The following OSTN variants were observed in gnomAD, a reference collection of about 807,000 sequenced individuals.
The protein encoded by OSTN is osteocrin.
In OSTN, 9 loss-of-function variants were observed where a neutral mutation model predicts 12.0. The ratio of observed to expected loss-of-function variants is 0.75; its 90% CI spans 0.45 to 1.30. The LOEUF (loss-of-function observed/expected upper bound fraction) is 1.30, where lower values mean the gene tolerates loss of function less well. Ranked by LOEUF, OSTN falls within the 50% of genes most tolerant of loss-of-function variation. OSTN has a pLI of 0.00. For synonymous variants in OSTN, 59 were observed against 56.9 expected (o/e 1.04, Z -0.16); for missense variants, 148 against 152.3 (o/e 0.97, Z 0.15).
intron 2 of OSTN, among the ~76,000 whole-genome samples, chr3:191,218,247 T>C (rs1307291891): frequency 6.6e-6 from 1 of 152,224 alleles, no homozygotes; most frequent in African/African-American, 2.4e-5. Flanking sequence ...TTTCTTGTTT[T>C]ATTTTTTCCC....
intron 1 of OSTN, among the ~76,000 whole-genome samples, chr3:191,208,663 C>A (rs1485075769): frequency 1.3e-5 from 2 of 151,930 alleles, no homozygotes; most frequent in Admixed American, 1.3e-4. Flanking sequence ...TCATCCTGTA[C>A]CATTTATAAG....
intron 3 of OSTN, among the ~76,000 whole-genome samples, chr3:191,247,341 A>G (rs1194855635): frequency 6.6e-6 from 1 of 152,242 alleles, no homozygotes; most frequent in Non-Finnish European, 1.5e-5. Context: ...CAAGAAATGT[A>G]GAAGTGCAAA....
intron 3 of OSTN, among the ~76,000 whole-genome samples, chr3:191,241,691 C>G (rs1715326062): frequency 6.6e-6 from 1 of 152,098 alleles, no homozygotes; most frequent in African/African-American, 2.4e-5. Context: ...CCCGAAACAC[C>G]TATTAAGAAC....
Position 191,213,960 on chromosome 3 carries a change from C to T in OSTN, c.102+1326C>T, listed in dbSNP as rs569353721. On this transcript the variant is annotated intron_variant, in intron 2 of 4. Coordinates refer to ENST00000682035, the MANE Select transcript of OSTN (RefSeq NM_198184.2). ...CATCTCCAGTTTCTATGTTATCAGG[C>T]TTATATAAGGAAGTGACAGAAGCTA... Among the ~76,000 whole-genome samples, 3 of 152,024 alleles carry T rather than the reference C, an allele frequency of 2.0e-5. No individual in the cohort carries two copies. The East Asian group carries it at 5.8e-4, about 29-fold the overall frequency.
chr3:191,246,436 T>C (rs955767009), intron 3 of OSTN, among the ~76,000 whole-genome samples: 3 of 151,696 alleles, frequency 2.0e-5, no homozygotes, highest in African/African-American at 7.3e-5. Context: ...TGAAACCCTG[T>C]CTCTGCTAAA....
chr3:191,246,522 C>T lies in OSTN; in HGVS notation c.318-3515C>T, dbSNP rs145917854. ...TCAAGAGGCTGAGGCAGGAGAATTG[C>T]TTGAGCCCAGGAGGCGAAGGTTGCA... On this transcript the variant is annotated intron_variant, in intron 3 of 4. Transcript: ENST00000682035. Among the ~76,000 whole-genome samples the T allele has an allele frequency of 1.4e-3, 215 of 151,420 alleles. 1 individual carries two copies. The highest frequency in any genetic ancestry group is 5.0e-3 in the African/African-American group (205 of 41,254).
intron 3 of OSTN, among the ~76,000 whole-genome samples, chr3:191,239,613 A>G (rs1478805644): frequency 6.6e-6 from 1 of 152,252 alleles, no homozygotes; most frequent in East Asian, 1.9e-4. Context: ...ATTGAGCAGA[A>G]TCTGTTGAAA....
chr3:191,232,259 G>C (rs1288052767), intron 3 of OSTN, among the ~76,000 whole-genome samples: 2 of 149,272 alleles, frequency 1.3e-5, no homozygotes, highest in East Asian at 2.0e-4. Context: ...TGAACACGTG[G>C]GAGGCGGAGG....
intron 1 of OSTN, among the ~76,000 whole-genome samples, chr3:191,203,006 A>G (rs374001367): frequency 6.6e-6 from 1 of 152,256 alleles, no homozygotes; most frequent in East Asian, 1.9e-4. Flanking sequence ...ATTTGAGGTT[A>G]GTGATGCATG....
At chr3:191,220,350 A>G (rs1269876221) in intron 3 of OSTN, among the ~76,000 whole-genome samples, 1 of 152,188 alleles carries the variant, frequency 6.6e-6, no homozygotes, top group African/African-American at 2.4e-5. Flanking sequence ...CTTTAACTAG[A>G]GAAATAGAAA....
At chr3:191,240,300 T>C (rs1295630667) in intron 3 of OSTN, among the ~76,000 whole-genome samples, 1 of 152,232 alleles carries the variant, frequency 6.6e-6, no homozygotes, top group Non-Finnish European at 1.5e-5. Context: ...TTGTATATAG[T>C]GATATCTATC....
At chr3:191,252,441 A>G (rs1486036986) in intron 4 of OSTN, among the ~76,000 whole-genome samples, 2 of 152,134 alleles carry the variant, frequency 1.3e-5, no homozygotes, top group Admixed American at 1.3e-4. Context: ...AATTAATACA[A>G]TGCTTCCTGA....
At chr3:191,252,083 C>T (rs892503433) in intron 4 of OSTN, among the ~76,000 whole-genome samples, 2 of 151,944 alleles carry the variant, frequency 1.3e-5, no homozygotes, top group East Asian at 1.9e-4. Context: ...TTTTTTGAGA[C>T]GGAGTCTCAC....
chr3:191,221,020 T>C (rs563177968), intron 3 of OSTN, among the ~76,000 whole-genome samples: 58 of 152,288 alleles, frequency 3.8e-4, no homozygotes, highest in African/African-American at 1.3e-3. Flanking sequence ...TGATCATGGG[T>C]GTGGTTACCC....
intron 2 of OSTN, among the ~76,000 whole-genome samples, chr3:191,215,052 A>C (rs1412956210): frequency 6.6e-6 from 1 of 152,214 alleles, no homozygotes; most frequent in Non-Finnish European, 1.5e-5. Flanking sequence ...TAGGTAATTT[A>C]TAAAGGAAAG....
chr3:191,246,408 C>G (rs968038233), intron 3 of OSTN, among the ~76,000 whole-genome samples: 13 of 151,904 alleles, frequency 8.6e-5, no homozygotes, highest in African/African-American at 3.1e-4. Flanking sequence ...GAGTTTGAGA[C>G]CAGCCTGGCC....
chr3:191,237,121 G>A (rs966493181), intron 3 of OSTN, among the ~76,000 whole-genome samples: 2 of 152,086 alleles, frequency 1.3e-5, no homozygotes, highest in Admixed American at 1.3e-4. Context: ...TTCTTGTGAG[G>A]CTCTGATTAG....
At chr3:191,253,118 G>A (rs1232605633) in intron 4 of OSTN, among the ~76,000 whole-genome samples, 1 of 152,102 alleles carries the variant, frequency 6.6e-6, no homozygotes, top group Non-Finnish European at 1.5e-5. Context: ...TTTCATTGTT[G>A]GATGCTAAAT....
In OSTN at chr3:191,237,974, C is replaced by A. The variant is rs1027034586; in HGVS notation, c.318-12063C>A. Among the ~76,000 whole-genome samples, 3 of 152,330 alleles carry A rather than the reference C, an allele frequency of 2.0e-5. No homozygotes were observed. In the South Asian group the frequency reaches 6.2e-4, roughly 32 times the overall value. On this transcript the variant is annotated intron_variant, in intron 3 of 4. Transcript: ENST00000682035. ...CAATTTGTCAGATATGATTGCCCTT[C>A]TTGACAAAAATCCCAAAGATTAAGG...
Sources: gnomAD v4.1 joint callset for allele counts (sites outside exome capture counted in the v4.1 genomes callset) on GRCh38, gnomAD v4.1.1 for gene constraint, MANE v1.5 for transcripts, NCBI Gene and HGNC (gene_info 2026-07-23, HGNC 2026-07-21) for gene names.